The following SYNJ1 variants were observed in gnomAD, a reference collection of about 807,000 sequenced individuals.
SYNJ1 encodes polyphosphatidylinositol phosphatase SYNJ1.
Under a neutral mutation model 168.2 loss-of-function variants are expected in SYNJ1, and 78 were observed. That is an observed-to-expected ratio of 0.46 (90% CI 0.39 to 0.56). The LOEUF (loss-of-function observed/expected upper bound fraction) is 0.56. SYNJ1 is among the 20% of genes least tolerant of loss of function. The probability of loss-of-function intolerance (pLI) is 0.00; values close to 1 mark genes in which losing one functional copy is unlikely to be tolerated. For missense variants in SYNJ1, 1,303 were observed against 1,597.6 expected, an observed-to-expected ratio of 0.82 and a Z score of 3.14; for synonymous variants, 539 against 548.6, an observed-to-expected ratio of 0.98 and a Z score of 0.24.
At chr21:32,677,179 T>C (rs969041117) in intron 12 of SYNJ1, among the ~76,000 whole-genome samples, 1 of 152,174 alleles carries the variant, frequency 6.6e-6, no homozygotes, top group Non-Finnish European at 1.5e-5. Flanking sequence ...CAGGGGAAGA[T>C]GTTTGAGGTG....
intron 2 of SYNJ1, among the ~76,000 whole-genome samples, chr21:32,706,712 T>C (rs2042624536): frequency 6.6e-6 from 1 of 152,106 alleles, no homozygotes; most frequent in South Asian, 2.1e-4. Context: ...TCCCTCCCTG[T>C]ACATTTTTTT....
Position 32,645,639 on chromosome 21 carries a change from T to G in SYNJ1, c.3391+7A>C. 6.6e-7 allele frequency: 1 copy of G among 1,525,714 alleles called. No homozygotes were observed. Among genetic ancestry groups the G allele is most frequent in the Admixed American group, 2.4e-5 (1 of 41,688 alleles). The allele number at this position is 1,525,714 out of a possible 1,614,324, so 94.5% of individuals were successfully genotyped here. The stretch of plus-strand genomic sequence containing the variant: ...ATCTAGCAGAAATGGAAATAAAAGG[T>G]TGTCACCTGAAGGCGGAGGAGGTCT... On this transcript the variant is annotated splice_region_variant and intron_variant, in intron 25 of 32. Coordinates refer to ENST00000674351, the MANE Select transcript of SYNJ1 (RefSeq NM_203446.3).
At chr21:32,635,311 T>G (rs1374522550) in intron 31 of SYNJ1, among the ~76,000 whole-genome samples, 1 of 152,118 alleles carries the variant, frequency 6.6e-6, no homozygotes, top group East Asian at 1.9e-4. Flanking sequence ...GTCATGAAGG[T>G]GGGACCCCAT....
intron 23 of SYNJ1, 113 bp downstream of exon 23, chr21:32,650,071 T>C: frequency 7.8e-7 from 1 of 1,281,080 alleles, no homozygotes; most frequent in Non-Finnish European, 1.1e-6. Context: ...TAATTAATAG[T>C]GCTATGTACG....
chr21:32,630,989 A>G lies in SYNJ1; in HGVS notation c.*816T>C, dbSNP rs886875349. 1.2e-6 allele frequency: 2 copies of G among 1,605,882 alleles called. No homozygotes were observed. The highest frequency in any genetic ancestry group is 1.7e-6 in the Non-Finnish European group (2 of 1,175,592). On this transcript the variant is annotated 3_prime_UTR_variant, in exon 33 of 33. Coordinates refer to ENST00000674351, the MANE Select transcript of SYNJ1 (RefSeq NM_203446.3). ...GCAAGTACCCACTGTTTTCTATTGC[A>G]TGGCGTTATCTTTCTGTAAAGTCCA...
In SYNJ1 at chr21:32,645,718, G is replaced by T. The variant is rs1261431735; in HGVS notation, c.3319C>A (p.Arg1107=). The change falls in exon 25 of 33, where the codon CGG becomes AGG. Residue 1107 remains arginine (R), a synonymous_variant. Coordinates refer to ENST00000674351, the MANE Select transcript of SYNJ1 (RefSeq NM_203446.3). ...GCGACCGGGCGGGGCGGCGGCGGCC[G>T]CTTGGGCTCCAAGGGCTGGGCGGGG... ...KDPAQPLEPK[R]PPPPRPVAPP... 2 of 1,470,892 alleles carry T rather than the reference G, an allele frequency of 1.4e-6. No individual in the cohort carries two copies. Among genetic ancestry groups the T allele is most frequent in the African/African-American group, 1.4e-5 (1 of 70,088 alleles). The allele number at this position is 1,470,892 out of a possible 1,614,324, so 91.1% of individuals were successfully genotyped here. A position where few individuals can be genotyped will look rare whatever the true frequency, so the allele number is the denominator to read the frequency against.
chr21:32,717,618 T>C (rs559498589), intron 2 of SYNJ1, among the ~76,000 whole-genome samples: 1 of 152,312 alleles, frequency 6.6e-6, no homozygotes, highest in East Asian at 1.9e-4. Context: ...ATGCAGGACT[T>C]CTCCACTCTA....
intron 2 of SYNJ1, among the ~76,000 whole-genome samples, chr21:32,707,754 AG>A (rs1453875543): frequency 6.6e-6 from 1 of 152,244 alleles, no homozygotes; most frequent in Non-Finnish European, 1.5e-5. Flanking sequence ...TGTGCATTAA[AG>A]AACATGTTTT....
In SYNJ1 at chr21:32,666,148, G is replaced by C; in HGVS notation, c.1953-13C>G. The C allele has an allele frequency of 6.3e-7, 1 of 1,579,696 alleles. No homozygotes were observed. The highest frequency in any genetic ancestry group is 8.6e-7 in the Non-Finnish European group (1 of 1,164,264). ...AACTGCAACATCCCTTTGAAACAAA[G>C]AATTCTAAATCGCAGATTTGAAATT... On this transcript the variant is annotated splice_polypyrimidine_tract_variant and intron_variant, in intron 16 of 32. Coordinates refer to ENST00000674351, the MANE Select transcript of SYNJ1 (RefSeq NM_203446.3).
intron 11 of SYNJ1, among the ~76,000 whole-genome samples, chr21:32,680,051 T>C (rs974173338): frequency 1.3e-5 from 2 of 152,080 alleles, no homozygotes; most frequent in East Asian, 1.9e-4. Flanking sequence ...TTTTAAGCAA[T>C]AGTTTGAGAA....
At chr21:32,709,380 G>A (rs1162144008) in intron 2 of SYNJ1, among the ~76,000 whole-genome samples, 3 of 150,644 alleles carry the variant, frequency 2.0e-5, no homozygotes, top group African/African-American at 7.3e-5. Context: ...AGGAGGCTAC[G>A]GCAGGAGAAT....
chr21:32,649,015 C>G lies in SYNJ1; in HGVS notation c.3037+1169G>C, dbSNP rs193040795. On this transcript the variant is annotated intron_variant, in intron 23 of 32. Transcript: ENST00000674351. The stretch of plus-strand genomic sequence containing the variant: ...CTCTATAGCATTAATTCCATTCTCC[C>G]TGAGTCTTTGGATTCTCAACTTAAA... Among the ~76,000 whole-genome samples the G allele has an allele frequency of 7.2e-5, 11 of 152,330 alleles. No homozygotes were observed. The East Asian group carries it at 2.1e-3, about 29-fold the overall frequency.
At chr21:32,674,360 G>C (rs2041321516) in intron 13 of SYNJ1, among the ~76,000 whole-genome samples, 1 of 152,126 alleles carries the variant, frequency 6.6e-6, no homozygotes, top group Non-Finnish European at 1.5e-5. Context: ...ACTGCACTCT[G>C]CCCTTAACTT....
intron 13 of SYNJ1, among the ~76,000 whole-genome samples, chr21:32,674,552 G>A (rs374642380): frequency 2.0e-5 from 3 of 151,798 alleles, no homozygotes; most frequent in African/African-American, 4.8e-5. Context: ...TACCTGGTAC[G>A]CAGTAAGTGC....
intron 13 of SYNJ1, 138 bp downstream of exon 13, chr21:32,676,194 A>G (rs891774873): frequency 3.8e-6 from 2 of 526,744 alleles, no homozygotes; most frequent in African/African-American, 2.0e-5. Context: ...TTAAAACAAG[A>G]TATCAATTTA....
At chr21:32,695,030 T>G in intron 5 of SYNJ1, 27 bp downstream of exon 5, 8 of 1,576,120 alleles carry the variant, frequency 5.1e-6, no homozygotes, top group Non-Finnish European at 5.2e-6. Context: ...AATAAATTAA[T>G]TAAGTAATAT....
intron 15 of SYNJ1, 52 bp from the exon 16 acceptor site, chr21:32,666,625 C>T: frequency 6.4e-7 from 1 of 1,551,360 alleles, no homozygotes; most frequent in Non-Finnish European, 8.7e-7. Context: ...TGACAATAGC[C>T]TATTTTATGA....
At chr21:32,710,039 C>T (rs2042770577) in intron 2 of SYNJ1, among the ~76,000 whole-genome samples, 1 of 151,326 alleles carries the variant, frequency 6.6e-6, no homozygotes, top group African/African-American at 2.4e-5. Flanking sequence ...ATCTCTACTA[C>T]AAAAAATACA....
intron 32 of SYNJ1, 121 bp downstream of exon 32, chr21:32,634,740 A>G: frequency 2.0e-6 from 2 of 998,032 alleles, no homozygotes; most frequent in Non-Finnish European, 1.5e-6. Context: ...GATAGAATTT[A>G]TTAATGGAGA....
Sources: gnomAD v4.1 joint callset for allele counts (sites outside exome capture counted in the v4.1 genomes callset) on GRCh38, gnomAD v4.1.1 for gene constraint, MANE v1.5 for transcripts, NCBI Gene and HGNC (gene_info 2026-07-23, HGNC 2026-07-21) for gene names.